The following PPP2R5C variants were observed in gnomAD, a reference collection of about 807,000 sequenced individuals.
The protein encoded by PPP2R5C is serine/threonine-protein phosphatase 2A 56 kDa regulatory subunit gamma isoform.
In PPP2R5C, 7 loss-of-function variants were observed where a neutral mutation model predicts 68.9. The ratio of observed to expected loss-of-function variants is 0.10; its 90% CI spans 0.06 to 0.19. The LOEUF (loss-of-function observed/expected upper bound fraction) is 0.19, where lower values mean the gene tolerates loss of function less well. Among genes scored for constraint, PPP2R5C ranks in the 10% least tolerant of loss-of-function variants. The pLI is 1.00. For missense variants in PPP2R5C, 348 were observed against 641.3 expected, an observed-to-expected ratio of 0.54 and a Z score of 4.94; for synonymous variants, 210 against 222.2, an observed-to-expected ratio of 0.95 and a Z score of 0.49.
chr14:101,870,769 A>G (rs2043355882), intron 2 of PPP2R5C, among the ~76,000 whole-genome samples: 1 of 152,240 alleles, frequency 6.6e-6, no homozygotes. Context: ...CAGCCTATGT[A>G]CACAGCATGT....
intron 1 of PPP2R5C, chr14:101,836,766 G>GT: frequency 5.4e-6 from 1 of 183,690 alleles, no homozygotes; most frequent in Non-Finnish European, 1.2e-5. Context: ...GAAATGGAGA[G>GT]TAAAGGTATA....
At chr14:101,763,799 C>G (rs1293458296) in intron 2 of PPP2R5C, among the ~76,000 whole-genome samples, 4 of 152,184 alleles carry the variant, frequency 2.6e-5, no homozygotes, top group East Asian at 1.9e-4. Flanking sequence ...GGTCATCTCC[C>G]CACCGCCACT....
intron 2 of PPP2R5C, among the ~76,000 whole-genome samples, chr14:101,774,044 T>G (rs1408687618): frequency 6.6e-6 from 1 of 152,188 alleles, no homozygotes; most frequent in Non-Finnish European, 1.5e-5. Context: ...TGGGGTGTTT[T>G]GAGTAGGGAA....
chr14:101,838,176 G>T (rs138661887), intron 1 of PPP2R5C, among the ~76,000 whole-genome samples: 1 of 152,310 alleles, frequency 6.6e-6, no homozygotes, highest in East Asian at 1.9e-4. Context: ...AAGAGAGAAT[G>T]AAACCAAAGA....
chr14:101,768,343 C>T (rs1182778612), intron 2 of PPP2R5C, among the ~76,000 whole-genome samples: 4 of 152,144 alleles, frequency 2.6e-5, no homozygotes, highest in Admixed American at 1.3e-4. Context: ...GAGATCACTC[C>T]TTTATACTCT....
At chr14:101,904,367 C>G (rs1234108907) in intron 9 of PPP2R5C, among the ~76,000 whole-genome samples, 1 of 152,000 alleles carries the variant, frequency 6.6e-6, no homozygotes, top group African/African-American at 2.4e-5. Flanking sequence ...CCAGGCTGGC[C>G]TTGAACTCCT....
chr14:101,847,235 A>G (rs2041882321), intron 1 of PPP2R5C, among the ~76,000 whole-genome samples: 1 of 152,240 alleles, frequency 6.6e-6, no homozygotes, highest in East Asian at 1.9e-4. Flanking sequence ...ATAATTAAGC[A>G]TCCAGTATGA....
chr14:101,875,159 A>G (rs1304564177), intron 2 of PPP2R5C, among the ~76,000 whole-genome samples: 1 of 152,184 alleles, frequency 6.6e-6, no homozygotes, highest in Non-Finnish European at 1.5e-5. Context: ...CTTGACTGTC[A>G]CATCATGGCA....
intron 2 of PPP2R5C, among the ~76,000 whole-genome samples, chr14:101,775,258 G>A (rs912698161): frequency 2.0e-5 from 3 of 152,166 alleles, no homozygotes; most frequent in Non-Finnish European, 4.4e-5. Flanking sequence ...TTTGAGAATT[G>A]CAGTGTTTAA....
chr14:101,912,867 AGATT>A (rs1273087456), intron 12 of PPP2R5C, among the ~76,000 whole-genome samples: 2 of 152,248 alleles, frequency 1.3e-5, no homozygotes, highest in African/African-American at 4.8e-5. Flanking sequence ...GATTGGAAAT[AGATT>A]AAGTATGACG....
intron 2 of PPP2R5C, among the ~76,000 whole-genome samples, chr14:101,869,456 C>T (rs966038192): frequency 4.6e-5 from 7 of 152,040 alleles, no homozygotes; most frequent in African/African-American, 1.4e-4. Flanking sequence ...GGGATGCAAT[C>T]GCTAGGTGAA....
rs1410908566 is a variant in PPP2R5C at position 101,771,266 on chromosome 14, T to G, written c.93+8296T>G. On this transcript the variant is annotated intron_variant, in intron 2 of 14. Transcript: ENST00000328724. ...GTGTGTGTGTGTGTGTGTGTGTGTATTTTTTTGAGACAGAGTCTCACCCTG... is the reference window on the plus strand; with the variant it reads ...GTGTGTGTGTGTGTGTGTGTGTGTAGTTTTTTGAGACAGAGTCTCACCCTG... Among the ~76,000 whole-genome samples, 6 of 150,740 alleles carry G rather than the reference T, an allele frequency of 4.0e-5. No homozygotes were observed. In the East Asian group the frequency reaches 1.2e-3, roughly 30 times the overall value.
intron 5 of PPP2R5C, among the ~76,000 whole-genome samples, chr14:101,886,047 C>T (rs1032354002): frequency 4.0e-5 from 6 of 151,374 alleles, no homozygotes; most frequent in Admixed American, 6.6e-5. Context: ...TTTGGGAGGC[C>T]GAGGCGGGCA....
intron 1 of PPP2R5C, chr14:101,823,652 T>C (rs774768106): frequency 8.2e-6 from 5 of 611,520 alleles, no homozygotes; most frequent in Non-Finnish European, 1.0e-5. Context: ...CGGTGGAAAC[T>C]GAAGCAGAGA....
At chr14:101,911,233 C>T (rs2046371513) in intron 11 of PPP2R5C, among the ~76,000 whole-genome samples, 1 of 152,120 alleles carries the variant, frequency 6.6e-6, no homozygotes, top group African/African-American at 2.4e-5. Context: ...AAGATCACGC[C>T]ACTGCACTCC....
chr14:101,806,915 T>G (rs1340986123), upstream of PPP2R5C, among the ~76,000 whole-genome samples: 1 of 152,102 alleles, frequency 6.6e-6, no homozygotes, highest in African/African-American at 2.4e-5. Context: ...TGAGCAGAGA[T>G]CATACCACTT....
intron 2 of PPP2R5C, among the ~76,000 whole-genome samples, chr14:101,858,524 TATG>T (rs1241178768): frequency 6.6e-6 from 1 of 151,988 alleles, no homozygotes; most frequent in Non-Finnish European, 1.5e-5. Flanking sequence ...TGTTTTTTTT[TATG>T]ATGTGGGTTA....
At chr14:101,874,214 C>CT (rs1363838222) in intron 2 of PPP2R5C, among the ~76,000 whole-genome samples, 1 of 152,190 alleles carries the variant, frequency 6.6e-6, no homozygotes, top group East Asian at 1.9e-4. Flanking sequence ...AACTTCCCTT[C>CT]TCAGTTGATT....
exon 2 of PPP2R5C, chr14:101,762,913 A>G (rs1159054413): frequency 1.3e-6 from 2 of 1,583,082 alleles, no homozygotes; most frequent in Non-Finnish European, 1.7e-6. Flanking sequence ...AGGAATCACC[A>G]AAAGCAGGGA....
Sources: allele counts gnomAD v4.1 joint callset (sites outside exome capture counted in the v4.1 genomes callset), GRCh38; gene constraint gnomAD v4.1.1; transcripts MANE v1.5; gene names NCBI Gene and HGNC (gene_info 2026-07-23, HGNC 2026-07-21).